Variants in HEATR6 observed in about 807,000 individuals in gnomAD.
HEATR6 encodes HEAT repeat-containing protein 6.
In HEATR6, 106 loss-of-function variants were observed where a neutral mutation model predicts 132.8. The observed-to-expected ratio is 0.80, with a 90% CI of 0.68 to 0.94. The LOEUF is 0.94. Ranked by LOEUF, HEATR6 falls within the 40% of genes least tolerant of loss-of-function variation. HEATR6 has a pLI of 0.00. For missense variants in HEATR6, 1,339 were observed against 1,425.1 expected, an observed-to-expected ratio of 0.94 and a Z score of 0.97; for synonymous variants, 529 against 537.8, an observed-to-expected ratio of 0.98 and a Z score of 0.23.
intron 15 of HEATR6, 97 bp downstream of exon 15, chr17:60,050,746 A>T (rs1906551439): frequency 1.4e-6 from 2 of 1,435,494 alleles, no homozygotes; most frequent in African/African-American, 2.8e-5. Context: ...TTTTCATCAG[A>T]GATGATGCTG....
At chr17:60,048,478 C>T (rs1023443650) in intron 16 of HEATR6, 90 bp from the exon 17 acceptor site, 3 of 1,216,958 alleles carry the variant, frequency 2.5e-6, no homozygotes, top group East Asian at 5.1e-5. Flanking sequence ...AAGCTAGAAG[C>T]CTTCATGCAC....
At chr17:60,045,284 G>T (rs925022007) in intron 19 of HEATR6, among the ~76,000 whole-genome samples, 22 of 152,208 alleles carry the variant, frequency 1.4e-4, no homozygotes, top group Non-Finnish European at 3.2e-4. Context: ...CAATAAAGGG[G>T]AGCAGAGCCA....
intron 9 of HEATR6, among the ~76,000 whole-genome samples, chr17:60,065,926 A>T (rs2083238053): frequency 6.6e-6 from 1 of 152,248 alleles, no homozygotes; most frequent in African/African-American, 2.4e-5. Flanking sequence ...GAAGAGAAGC[A>T]CAGCTGCTTC....
chr17:60,072,462 A>C, intron 4 of HEATR6, 133 bp from the exon 5 acceptor site: 2 of 459,838 alleles, frequency 4.3e-6, no homozygotes, highest in Non-Finnish European at 7.9e-6. Flanking sequence ...ATGCTATGGA[A>C]AATTATTATT....
chr17:60,042,139 T>C lies in HEATR6; in HGVS notation c.*1424A>G, dbSNP rs976419377. 1.3e-5 allele frequency among the ~76,000 whole-genome samples: 2 copies of C among 152,190 alleles called. No homozygotes were observed. Among genetic ancestry groups the C allele is most frequent in the Admixed American group, 6.5e-5 (1 of 15,286 alleles). On this transcript the variant is annotated 3_prime_UTR_variant, in exon 20 of 20. Transcript: ENST00000184956. Reference sequence around the variant, plus strand: ...AAATTAAAAGGTGGCAAAACAACCATATATTTAGTGTGTGGGATCACATTC... The same window carrying C: ...AAATTAAAAGGTGGCAAAACAACCACATATTTAGTGTGTGGGATCACATTC...
chr17:60,046,557 G>C (rs902465310), intron 18 of HEATR6, among the ~76,000 whole-genome samples: 8 of 152,178 alleles, frequency 5.3e-5, no homozygotes, highest in South Asian at 2.1e-4. Flanking sequence ...GGAGAAGCTA[G>C]GTTCCATAAT....
At chr17:60,047,274 T>C in intron 18 of HEATR6, 35 bp downstream of exon 18, 1 of 1,351,962 alleles carries the variant, frequency 7.4e-7, no homozygotes, top group Non-Finnish European at 1.1e-6. Context: ...ATTAACTATC[T>C]GTTTGGGAGA....
Position 60,041,153 on chromosome 17 carries a change from G to T in HEATR6, c.*2410C>A, listed in dbSNP as rs1906162468. Among the ~76,000 whole-genome samples, 1 of 152,202 alleles carries T rather than the reference G, an allele frequency of 6.6e-6. No individual in the cohort carries two copies. The highest frequency in any genetic ancestry group is 2.4e-5 in the African/African-American group (1 of 41,458). On this transcript the variant is annotated 3_prime_UTR_variant, in exon 20 of 20. Coordinates refer to ENST00000184956, the MANE Select transcript of HEATR6 (RefSeq NM_022070.5). Reference sequence around the variant, plus strand: ...TACACCCACAATGCTGCAGAGAAGAGAATCAGCATACTGTTGGGACACAGC... The same window carrying T: ...TACACCCACAATGCTGCAGAGAAGATAATCAGCATACTGTTGGGACACAGC...
chr17:60,057,230 C>A lies in HEATR6; in HGVS notation c.1897G>T (p.Gly633Ter), dbSNP rs1338128883. The A allele has an allele frequency of 1.2e-6, 2 of 1,614,166 alleles. No homozygotes were observed. Among genetic ancestry groups the A allele is most frequent in the Non-Finnish European group, 1.7e-6 (2 of 1,180,014 alleles). The change falls in exon 12 of 20, where the codon GGA becomes TGA. Residue 633 changes from glycine (G) to a stop codon, truncating the protein, a stop_gained. Coordinates refer to ENST00000184956, the MANE Select transcript of HEATR6 (RefSeq NM_022070.5). LOFTEE classifies it high-confidence loss of function. Reference sequence around the variant, plus strand: ...ACTGACGTTTCTTCCAGAGAGGGTCCTGCAGGGGCTTTCTTCCACCAATCA... The same window carrying A: ...ACTGACGTTTCTTCCAGAGAGGGTCATGCAGGGGCTTTCTTCCACCAATCA... The part of the protein sequence containing the change: ...PPDWWKKAPA[G>*]PSLEETSVSS...
At position 60,042,290 on chromosome 17, in the gene HEATR6, G is replaced by A. The variant is rs1371744008; in HGVS notation, c.*1273C>T. Among the ~76,000 whole-genome samples the A allele has an allele frequency of 6.6e-6, 1 of 152,224 alleles. No homozygotes were observed. The highest frequency in any genetic ancestry group is 1.5e-5 in the Non-Finnish European group (1 of 68,040). The stretch of plus-strand genomic sequence containing the variant: ...AGGTGTGGCAGGGAAGGTGGTCAGG[G>A]GAACACGGGCACTCCAGAAGCTCGG... On this transcript the variant is annotated 3_prime_UTR_variant, in exon 20 of 20. Coordinates refer to ENST00000184956, the MANE Select transcript of HEATR6 (RefSeq NM_022070.5).
At chr17:60,048,218 C>T in intron 17 of HEATR6, 46 bp downstream of exon 17, 1 of 1,592,492 alleles carries the variant, frequency 6.3e-7, no homozygotes, top group Non-Finnish European at 8.6e-7. Flanking sequence ...TCTCTTGGGC[C>T]CTCAATCTCA....
At chr17:60,074,362 A>C (rs1168045994) in intron 2 of HEATR6, among the ~76,000 whole-genome samples, 2 of 152,230 alleles carry the variant, frequency 1.3e-5, no homozygotes, top group Non-Finnish European at 2.9e-5. Flanking sequence ...GGGACAGACC[A>C]GGCTAATCCA....
In HEATR6 at chr17:60,041,964, A is replaced by G. The variant is rs1194925052; in HGVS notation, c.*1599T>C. 6.6e-6 allele frequency among the ~76,000 whole-genome samples: 1 copy of G among 152,242 alleles called. No homozygotes were observed. Among genetic ancestry groups the G allele is most frequent in the Non-Finnish European group, 1.5e-5 (1 of 68,034 alleles). ...TAAATTCCTAATTGAAATCAATTCC[A>G]ATAAATCGTTGGTGCTCAGTAGAAA... On this transcript the variant is annotated 3_prime_UTR_variant, in exon 20 of 20. Transcript: ENST00000184956.
At chr17:60,048,176 G>A (rs1310844393) in intron 17 of HEATR6, 88 bp downstream of exon 17, 1 of 1,404,848 alleles carries the variant, frequency 7.1e-7, no homozygotes, top group East Asian at 2.4e-5. Context: ...GGGAACTACT[G>A]CTGATTCTTT....
chr17:60,073,085 G>A lies in HEATR6; in HGVS notation c.584+79C>T. ...TTTGTCTAAGTTGGCTCTGGCTTCAGGCACAGGGAACTACCTACAAAGGGC... is the reference window on the plus strand; with the variant it reads ...TTTGTCTAAGTTGGCTCTGGCTTCAAGCACAGGGAACTACCTACAAAGGGC... On this transcript the variant is annotated intron_variant, in intron 4 of 19. Coordinates refer to ENST00000184956, the MANE Select transcript of HEATR6 (RefSeq NM_022070.5). 7 of 755,462 alleles carry A rather than the reference G, an allele frequency of 9.3e-6. 1 individual carries two copies. The highest frequency in any genetic ancestry group is 4.8e-4 in the Middle Eastern group (2 of 4,194). 46.8% of individuals were successfully genotyped at this position (755,462 alleles called of 1,614,324 possible). A position where few individuals can be genotyped will look rare whatever the true frequency, so the allele number is the denominator to read the frequency against.
chr17:60,075,314 A>G (rs2083290818), intron 2 of HEATR6, among the ~76,000 whole-genome samples: 1 of 152,184 alleles, frequency 6.6e-6, no homozygotes, highest in Non-Finnish European at 1.5e-5. Flanking sequence ...AAGGGGCTAC[A>G]GATGCGTCCC....
chr17:60,044,590 T>C (rs1373648186), intron 19 of HEATR6, among the ~76,000 whole-genome samples: 2 of 152,230 alleles, frequency 1.3e-5, no homozygotes, highest in Non-Finnish European at 2.9e-5. Flanking sequence ...CCATAGCCAG[T>C]CATGCATTTT....
intron 14 of HEATR6, among the ~76,000 whole-genome samples, chr17:60,052,695 AC>A (rs1906621829): frequency 6.6e-6 from 1 of 152,190 alleles, no homozygotes; most frequent in South Asian, 2.1e-4. Flanking sequence ...AGCAAAGACC[AC>A]CAACACTGAG....
rs1211335127 is a variant in HEATR6 at position 60,048,998 on chromosome 17, A to G, written c.2547+582T>C. Among the ~76,000 whole-genome samples, 656 of 128,402 alleles carry G rather than the reference A, an allele frequency of 5.1e-3. 17 individuals are homozygous for G. The highest frequency in any genetic ancestry group is 0.019 in the African/African-American group (623 of 32,290). The allele number at this position is 128,402 out of a possible 152,430, so 84.2% of individuals were successfully genotyped here. A position where few individuals can be genotyped will look rare whatever the true frequency, so the allele number is the denominator to read the frequency against. On this transcript the variant is annotated intron_variant, in intron 16 of 19. Coordinates refer to ENST00000184956, the MANE Select transcript of HEATR6 (RefSeq NM_022070.5). ...ATATATATATAATATATATATATAT[A>G]TATATATATATATATATATATGGTA...
Sources: gnomAD v4.1 joint callset for allele counts (sites outside exome capture counted in the v4.1 genomes callset) on GRCh38, gnomAD v4.1.1 for gene constraint, MANE v1.5 for transcripts, NCBI Gene and HGNC (gene_info 2026-07-23, HGNC 2026-07-21) for gene names.